Variants in DKK2 observed in about 807,000 individuals in gnomAD.
The protein encoded by DKK2 is dickkopf-related protein 2.
DKK2 carries 11 observed loss-of-function variants against 28.1 expected under a neutral mutation model. That is an observed-to-expected ratio of 0.39 (90% CI 0.25 to 0.65). The LOEUF (loss-of-function observed/expected upper bound fraction) is 0.65. Among genes scored for constraint, DKK2 ranks in the 30% least tolerant of loss-of-function variants. DKK2 has a pLI of 0.47. For synonymous variants in DKK2, 135 were observed against 126.5 expected (o/e 1.07, Z -0.45); for missense variants, 326 against 335.5 (o/e 0.97, Z 0.22).
intron 1 of DKK2, among the ~76,000 whole-genome samples, chr4:106,972,071 G>A (rs1011079117): frequency 5.9e-5 from 9 of 152,100 alleles, no homozygotes; most frequent in Non-Finnish European, 1.3e-4. Context: ...CAGTAATGCT[G>A]TAATAAATCT....
chr4:106,993,209 T>G (rs1013641994), intron 1 of DKK2, among the ~76,000 whole-genome samples: 3 of 152,236 alleles, frequency 2.0e-5, no homozygotes, highest in African/African-American at 7.2e-5. Context: ...TATATTGCCT[T>G]GGACAAATAC....
intron 1 of DKK2, among the ~76,000 whole-genome samples, chr4:106,950,607 G>A (rs1724844769): frequency 6.6e-6 from 1 of 151,982 alleles, no homozygotes; most frequent in Non-Finnish European, 1.5e-5. Flanking sequence ...CCCTGCTCCA[G>A]CCATGTTCAT....
intron 1 of DKK2, among the ~76,000 whole-genome samples, chr4:106,982,409 G>GCTCCT (rs1380773512): frequency 6.6e-6 from 1 of 152,116 alleles, no homozygotes; most frequent in Non-Finnish European, 1.5e-5. Context: ...AGTTTCCATT[G>GCTCCT]CTCCTAACAC....
chr4:107,026,741 G>C (rs1318293620), intron 1 of DKK2, among the ~76,000 whole-genome samples: 1 of 152,004 alleles, frequency 6.6e-6, no homozygotes, highest in Non-Finnish European at 1.5e-5. Context: ...TTTGTTGCCC[G>C]ACTCCAGAAA....
rs1009349005 is a variant in DKK2, at chr4:107,030,154, T to C, written c.222+5216A>G. Among the ~76,000 whole-genome samples the C allele has an allele frequency of 2.0e-5, 3 of 152,116 alleles. No homozygotes were observed. In the East Asian group the frequency reaches 5.8e-4, roughly 29 times the overall value. ...CAATCTTTCTGCTTTAAAGTTTTCTTTGATTAAATTTGCCATTACAAAGAA... is the reference window on the plus strand; with the variant it reads ...CAATCTTTCTGCTTTAAAGTTTTCTCTGATTAAATTTGCCATTACAAAGAA... On this transcript the variant is annotated intron_variant, in intron 1 of 3. Transcript: ENST00000285311.
At chr4:106,945,069 C>T (rs946394129) in intron 1 of DKK2, among the ~76,000 whole-genome samples, 6 of 152,120 alleles carry the variant, frequency 3.9e-5, no homozygotes, top group Admixed American at 2.0e-4. Context: ...TCATGCACCA[C>T]TCTTCATCTT....
At chr4:106,965,334 C>T (rs1722759512) in intron 1 of DKK2, among the ~76,000 whole-genome samples, 1 of 152,066 alleles carries the variant, frequency 6.6e-6, no homozygotes, top group Admixed American at 6.6e-5. Flanking sequence ...ACTATGACAA[C>T]ATAACCTTTT....
intron 1 of DKK2, among the ~76,000 whole-genome samples, chr4:106,960,114 T>TTA (rs3082967): frequency 0.032 from 4,698 of 146,380 alleles, 193 homozygotes; most frequent in African/African-American, 0.097. Flanking sequence ...AGAAAAAATG[T>TTA]TATATATATA....
chr4:106,968,805 T>C lies in DKK2; in HGVS notation c.223-42856A>G, dbSNP rs1038431536. The stretch of plus-strand genomic sequence containing the variant: ...TGTGGCTGAGAGAAAATTAAAGGGC[T>C]GGCTCTCCTCATAGTTCCTTCAGGT... On this transcript the variant is annotated intron_variant, in intron 1 of 3. Transcript: ENST00000285311. 1.2e-4 allele frequency among the ~76,000 whole-genome samples: 19 copies of C among 152,224 alleles called. 1 individual carries two copies. The highest frequency in any genetic ancestry group is 5.9e-4 in the Admixed American group (9 of 15,272).
chr4:106,989,581 T>A (rs1578369810), intron 1 of DKK2, among the ~76,000 whole-genome samples: 1 of 152,236 alleles, frequency 6.6e-6, no homozygotes, highest in Non-Finnish European at 1.5e-5. Context: ...AAAAATTATA[T>A]CAATTGCTTA....
At chr4:106,973,044 C>A (rs1490118829) in intron 1 of DKK2, among the ~76,000 whole-genome samples, 1 of 152,156 alleles carries the variant, frequency 6.6e-6, no homozygotes, top group Admixed American at 6.6e-5. Context: ...CCAGCTTCAT[C>A]CATGTCCCTG....
chr4:106,948,818 G>A (rs982812475), intron 1 of DKK2, among the ~76,000 whole-genome samples: 2 of 152,102 alleles, frequency 1.3e-5, no homozygotes, highest in African/African-American at 2.4e-5. Flanking sequence ...ATTATTTGAA[G>A]CACTTCCAAA....
In DKK2 at chr4:107,035,538, G is replaced by A. The variant is rs779961448; in HGVS notation, c.54C>T (p.Ala18=). 6.8e-6 allele frequency: 11 copies of A among 1,614,066 alleles called. No homozygotes were observed. The Admixed American group carries it at 1.8e-4, about 27-fold the overall frequency. Residue 18 remains alanine (A), a synonymous_variant, in exon 1 of 4, where the codon GCC becomes GCT. Transcript: ENST00000285311. ...GTGAGCTCTCCACCATCAGCACCGC[G>A]GCCAGTAGGAGCAGGCAGCAGGACG... ...KDSSCCLLLL[A]AVLMVESSQI...
At chr4:106,960,297 A>G (rs1335696262) in intron 1 of DKK2, among the ~76,000 whole-genome samples, 2 of 152,104 alleles carry the variant, frequency 1.3e-5, no homozygotes, top group Admixed American at 6.6e-5. Flanking sequence ...GGAGGCTACA[A>G]TTCTAAGTGA....
chr4:107,003,095 G>A (rs1349974999), intron 1 of DKK2, among the ~76,000 whole-genome samples: 1 of 152,186 alleles, frequency 6.6e-6, no homozygotes, highest in Non-Finnish European at 1.5e-5. Flanking sequence ...GCAGGAAGGG[G>A]TTCTTCTGAA....
chr4:106,924,291 T>G (rs2110338628), intron 3 of DKK2, 87 bp from the exon 4 acceptor site: 2 of 1,495,762 alleles, frequency 1.3e-6, no homozygotes, highest in East Asian at 4.7e-5. Context: ...TAAAATATTT[T>G]TACTTATACT....
Position 106,925,896 on chromosome 4 carries a change from A to G in DKK2, c.276T>C (p.Ser92=). The part of the protein sequence containing the change: ...KECEVGRYCH[S]PHQGSSACMV... ...TGCAGGCCGATGATCCTTGGTGGGG[A>G]CTGTGGCAATACCTCCCAACTTCAC... Residue 92 remains serine (S), a synonymous_variant, in exon 2 of 4, where the codon AGT becomes AGC. Transcript: ENST00000285311. 1 of 1,613,632 alleles carries G rather than the reference A, an allele frequency of 6.2e-7. No homozygotes were observed. The highest frequency in any genetic ancestry group is 8.5e-7 in the Non-Finnish European group (1 of 1,179,860).
chr4:106,978,631 T>C (rs1194526856), intron 1 of DKK2, among the ~76,000 whole-genome samples: 1 of 152,066 alleles, frequency 6.6e-6, no homozygotes, highest in Non-Finnish European at 1.5e-5. Flanking sequence ...CAGACTTCTG[T>C]CCTGGCAGCG....
chr4:106,930,991 C>G (rs1371285015), intron 1 of DKK2, among the ~76,000 whole-genome samples: 1 of 152,146 alleles, frequency 6.6e-6, no homozygotes, highest in Non-Finnish European at 1.5e-5. Context: ...TTTCCACAAA[C>G]AGTCAAGGTA....
Sources: allele counts gnomAD v4.1 joint callset (sites outside exome capture counted in the v4.1 genomes callset), GRCh38; gene constraint gnomAD v4.1.1; transcripts MANE v1.5; gene names NCBI Gene and HGNC (gene_info 2026-07-23, HGNC 2026-07-21).